KIAA0408: variants seen among roughly 807,000 people sequenced by gnomAD.
KIAA0408 encodes the protein uncharacterized protein KIAA0408.
In KIAA0408, 51 loss-of-function variants were observed where a neutral mutation model predicts 60.9. The ratio of observed to expected loss-of-function variants is 0.84; its 90% confidence interval spans 0.67 to 1.06. The LOEUF (loss-of-function observed/expected upper bound fraction) is 1.06, where lower values mean the gene tolerates loss of function less well. Among genes scored for constraint, KIAA0408 ranks in the 50% least tolerant of loss-of-function variants. The pLI is 0.00. For synonymous variants in KIAA0408, 304 were observed against 282.4 expected (o/e 1.08, Z -0.77); for missense variants, 787 against 833.9 (o/e 0.94, Z 0.69).
chr6:127,447,506 T>C lies in KIAA0408; in HGVS notation c.813A>G (p.Arg271=). ...RNETPPVPPP[R]STSRNFPSSD... ...AGCTGGGAAAATTTCGAGAGGTGCT[T>C]CTTGGAGGAGGAACTGGTGGAGTTT... is the stretch of plus-strand genomic sequence containing the variant. Residue 271 remains arginine (R), a synonymous_variant, in exon 5 of 6, where the codon AGA becomes AGG. Coordinates refer to ENST00000483725, the MANE Select transcript of KIAA0408 (RefSeq NM_014702.5). 6.2e-7 allele frequency: 1 copy of C among 1,612,108 alleles called. No individual in the cohort carries two copies.
rs746349160 is a variant in KIAA0408, at chr6:127,444,095, T to G, written c.*14A>C. On this transcript the variant is annotated 3_prime_UTR_variant, in exon 6 of 6. Coordinates refer to ENST00000483725, the MANE Select transcript of KIAA0408 (RefSeq NM_014702.5). Reference sequence around the variant, plus strand: ...GACTAGAACTTCTGTAATATAGCAATCCAGGCCAAAGACTTAAACCATCAA... The same window carrying G: ...GACTAGAACTTCTGTAATATAGCAAGCCAGGCCAAAGACTTAAACCATCAA... The G allele has an allele frequency of 6.2e-7, 1 of 1,613,202 alleles. No homozygotes were observed. The highest frequency in any genetic ancestry group is 8.5e-7 in the Non-Finnish European group (1 of 1,179,460).
chr6:127,444,349 G>A lies in KIAA0408; in HGVS notation c.1912-67C>T, dbSNP rs1359747837. The stretch of plus-strand genomic sequence containing the variant: ...CAACAATAGGCTTAATATATGATGG[G>A]TCTCAACTATAAGATTAGTCCGTTA... On this transcript the variant is annotated intron_variant, in intron 5 of 5. Coordinates refer to ENST00000483725, the MANE Select transcript of KIAA0408 (RefSeq NM_014702.5). 1.5e-5 allele frequency: 19 copies of A among 1,237,222 alleles called. No homozygotes were observed. In the East Asian group the frequency reaches 4.7e-4, roughly 31 times the overall value. 76.6% of individuals were successfully genotyped at this position (1,237,222 alleles called of 1,614,324 possible). A position where few individuals can be genotyped will look rare whatever the true frequency, so the allele number is the denominator to read the frequency against.
Position 127,440,239 on chromosome 6 carries a change from A to G in KIAA0408, c.*3870T>C, listed in dbSNP as rs1329103456. The stretch of plus-strand genomic sequence containing the variant: ...TACTTGTCTGAAGAACTCATCCCCA[A>G]TTTTTGCCTTTTTTGCTTTGCAAAG... On this transcript the variant is annotated 3_prime_UTR_variant, in exon 6 of 6. Coordinates refer to ENST00000483725, the MANE Select transcript of KIAA0408 (RefSeq NM_014702.5). The G allele has an allele frequency of 2.0e-5, 3 of 150,918 alleles. No homozygotes were observed. The highest frequency in any genetic ancestry group is 1.3e-4 in the Admixed American group (2 of 15,142). 9.3% of individuals were successfully genotyped at this position (150,918 alleles called of 1,614,324 possible). A position where few individuals can be genotyped will look rare whatever the true frequency, so the allele number is the denominator to read the frequency against.
At chr6:127,444,435 G>T (rs751319529) in intron 5 of KIAA0408, among the ~76,000 whole-genome samples, 153 bp from the exon 6 acceptor site, 1 of 152,118 alleles carries the variant, frequency 6.6e-6, no homozygotes, top group African/African-American at 2.4e-5. Context: ...TAATATTTGT[G>T]GTTTTGAATG....
Position 127,447,350 on chromosome 6 carries a change from C to G in KIAA0408, c.969G>C (p.Leu323Phe). 1 of 1,612,280 alleles carries G rather than the reference C, an allele frequency of 6.2e-7. No homozygotes were observed. Among genetic ancestry groups the G allele is most frequent in the Non-Finnish European group, 8.5e-7 (1 of 1,179,426 alleles). ...FPLRQQEMSM[L>F]YPNEGKTSKD... ...TCGAAGTTTTCCCTTCATTTGGATA[C>G]AACATAGACATCTCTTGTTGTCTCA... The change falls in exon 5 of 6, where the codon TTG (leucine) becomes TTC (phenylalanine). Residue 323 changes from leucine to phenylalanine, a missense_variant. By Grantham distance (22) the Leu-to-Phe change is conservative (BLOSUM62 0). Coordinates refer to ENST00000483725, the MANE Select transcript of KIAA0408 (RefSeq NM_014702.5).
At position 127,450,106 on chromosome 6, in the gene KIAA0408, A is replaced by AT. The variant is rs762399944; in HGVS notation, c.381dup (p.Ser128IlefsTer18). ...AAAGGATCCAAAAACCCTACTTTTG[A>AT]TTTTTTTGTTGCTTTTTGTTCCTTA... On this transcript the variant is annotated frameshift_variant, in exon 3 of 6. Coordinates refer to ENST00000483725, the MANE Select transcript of KIAA0408 (RefSeq NM_014702.5). LOFTEE classifies it high-confidence loss of function. The AT allele has an allele frequency of 3.0e-5, 49 of 1,613,870 alleles. 1 individual carries two copies. In the South Asian group the frequency reaches 4.8e-4, roughly 16 times the overall value.
In KIAA0408 at chr6:127,447,257, T is replaced by C; in HGVS notation, c.1062A>G (p.Glu354=). ...VKIDSKPPSN[E]DVGLSMWSCD... is the part of the protein sequence containing the mutation. ...ATGACCACATGCTAAGTCCAACATC[T>C]TCATTACTTGGAGGCTTGCTATCTA... The change falls in exon 5 of 6, where the codon GAA becomes GAG. Residue 354 remains glutamate (E), a synonymous_variant. Transcript: ENST00000483725. 2 of 1,613,982 alleles carry C rather than the reference T, an allele frequency of 1.2e-6. No individual in the cohort carries two copies. Among genetic ancestry groups the C allele is most frequent in the Non-Finnish European group, 1.7e-6 (2 of 1,179,966 alleles).
intron 2 of KIAA0408, 78 bp from the exon 3 acceptor site, chr6:127,450,430 C>T: frequency 8.8e-6 from 13 of 1,469,704 alleles, no homozygotes; most frequent in South Asian, 2.9e-5. Context: ...CTAAGCAAAC[C>T]GCTTTGAGTT....
Position 127,454,314 on chromosome 6 carries a change from A to G in KIAA0408, c.-120-213T>C, listed in dbSNP as rs184393817. ...TTTTTTTCCCTTTCTGAGACCAGAC[A>G]GCAAAATTATAGTGGACAAGATGAT... On this transcript the variant is annotated intron_variant, in intron 1 of 5. Coordinates refer to ENST00000483725, the MANE Select transcript of KIAA0408 (RefSeq NM_014702.5). 35 of 230,592 alleles carry G rather than the reference A, an allele frequency of 1.5e-4. No individual in the cohort carries two copies. The East Asian group carries it at 1.9e-3, about 13-fold the overall frequency. 14.3% of individuals were successfully genotyped at this position (230,592 alleles called of 1,614,324 possible).
chr6:127,453,136 A>G (rs1011526113), intron 2 of KIAA0408, among the ~76,000 whole-genome samples: 2 of 152,142 alleles, frequency 1.3e-5, no homozygotes, highest in Non-Finnish European at 2.9e-5. Flanking sequence ...TTACCAAAAG[A>G]AAGCAAGATA....
Position 127,449,836 on chromosome 6 carries a change from C to A in KIAA0408, c.564G>T (p.Arg188=), listed in dbSNP as rs140527925. ...LCSFQEEIRK[R]SNHRRMKSDS... ...TACCAGCCTACCTTCTATGGTTAGA[C>A]CGCTTTCGAATTTCCTCTTGAAAGC... Residue 188 remains arginine (R), a synonymous_variant, in exon 4 of 6, where the codon CGG becomes CGT. Transcript: ENST00000483725. 1 of 1,614,040 alleles carries A rather than the reference C, an allele frequency of 6.2e-7. No individual in the cohort carries two copies. Among genetic ancestry groups the A allele is most frequent in the Non-Finnish European group, 8.5e-7 (1 of 1,179,958 alleles).
Position 127,447,207 on chromosome 6 carries a change from CT to C in KIAA0408, c.1111del (p.Arg371GlyfsTer23), listed in dbSNP as rs1309331867. 1 of 1,611,918 alleles carries C rather than the reference CT, an allele frequency of 6.2e-7. No homozygotes were observed. The highest frequency in any genetic ancestry group is 1.7e-5 in the Admixed American group (1 of 59,598). On this transcript the variant is annotated frameshift_variant, in exon 5 of 6. Coordinates refer to ENST00000483725, the MANE Select transcript of KIAA0408 (RefSeq NM_014702.5). LOFTEE classifies it high-confidence loss of function. ...CTGAAACCACGAAGTAGAGGGGCTCCTTTTTGCACCTATCCCAATGTCACAT... is the reference window on the plus strand; with the variant it reads ...CTGAAACCACGAAGTAGAGGGGCTCCTTTTGCACCTATCCCAATGTCACAT... ...WSCDIGIGAK[R>X]SPSTSWFQKT...
At chr6:127,457,316 C>T (rs1773413756) in intron 1 of KIAA0408, among the ~76,000 whole-genome samples, 1 of 152,126 alleles carries the variant, frequency 6.6e-6, no homozygotes, top group Non-Finnish European at 1.5e-5. Flanking sequence ...GATTCAAAAA[C>T]TCAATTTAAG....
Position 127,447,330 on chromosome 6 carries a change from GT to G in KIAA0408, c.988del (p.Thr330LeufsTer17), listed in dbSNP as rs757052825. ...MSMLYPNEGK[T>X]SKDGIIFSSL... ...GGAAAAGATGATACCATCTTTCGAA[GT>G]TTTCCCTTCATTTGGATACAACATA... is the stretch of plus-strand genomic sequence containing the variant. On this transcript the variant is annotated frameshift_variant, in exon 5 of 6. Coordinates refer to ENST00000483725, the MANE Select transcript of KIAA0408 (RefSeq NM_014702.5). LOFTEE classifies it high-confidence loss of function. 6.2e-7 allele frequency: 1 copy of G among 1,613,344 alleles called. No individual in the cohort carries two copies. Among genetic ancestry groups the G allele is most frequent in the East Asian group, 2.2e-5 (1 of 44,866 alleles).
At chr6:127,454,691 T>A (rs538703792) in intron 1 of KIAA0408, among the ~76,000 whole-genome samples, 6 of 152,126 alleles carry the variant, frequency 3.9e-5, no homozygotes, top group African/African-American at 1.2e-4. Flanking sequence ...ATATTCATTA[T>A]GTCACTTCAT....
intron 2 of KIAA0408, chr6:127,450,619 C>G (rs760531531): frequency 1.9e-5 from 6 of 321,748 alleles, no homozygotes; most frequent in Non-Finnish European, 2.8e-5. Flanking sequence ...TAAAATAAAT[C>G]TGTATCTGTA....
At chr6:127,458,866 G>A (rs895988756) in intron 1 of KIAA0408, among the ~76,000 whole-genome samples, 5 of 152,080 alleles carry the variant, frequency 3.3e-5, no homozygotes, top group African/African-American at 9.7e-5. Flanking sequence ...ATCAATGATG[G>A]GCAAAGTGCT....
chr6:127,447,273 T>C lies in KIAA0408; in HGVS notation c.1046A>G (p.Lys349Arg), dbSNP rs1007997046. ...SLVPEVKIDS[K>R]PPSNEDVGLS... ...TCCAACATCTTCATTACTTGGAGGC[T>C]TGCTATCTATTTTGACTTCTGGTAC... Residue 349 changes from lysine to arginine, a missense_variant, in exon 5 of 6, where the codon AAG becomes AGG. Coordinates refer to ENST00000483725, the MANE Select transcript of KIAA0408 (RefSeq NM_014702.5). 1 of 1,614,082 alleles carries C rather than the reference T, an allele frequency of 6.2e-7. No homozygotes were observed. The highest frequency in any genetic ancestry group is 1.3e-5 in the African/African-American group (1 of 75,050).
chr6:127,451,061 T>A (rs969511573), intron 2 of KIAA0408: 2 of 257,332 alleles, frequency 7.8e-6, no homozygotes, highest in African/African-American at 4.5e-5. Flanking sequence ...CTTTATGAGA[T>A]CTTAGTTGAA....
Sources: gnomAD v4.1 joint callset for allele counts (sites outside exome capture counted in the v4.1 genomes callset) on GRCh38, gnomAD v4.1.1 for gene constraint, MANE v1.5 for transcripts, NCBI Gene and HGNC (gene_info 2026-07-23, HGNC 2026-07-21) for gene names.